HYCC1: variants seen among roughly 807,000 people sequenced by gnomAD.
The protein encoded by HYCC1 is hyccin.
chr7:22,960,242 T>TA, the HYCC1 span: 4 of 1,611,432 alleles, frequency 2.5e-6, no homozygotes, highest in South Asian at 2.2e-5. Flanking sequence ...CTTGAAGAGT[T>TA]ACGTATTTCT....
the HYCC1 span, among the ~76,000 whole-genome samples, chr7:23,012,365 C>A: frequency 2.7e-4 from 41 of 152,270 alleles, no homozygotes; most frequent in Admixed American, 2.3e-3. Flanking sequence ...AAACGCTGAC[C>A]CAGCTAATGC....
the HYCC1 span, among the ~76,000 whole-genome samples, chr7:22,999,579 A>G: frequency 6.6e-6 from 1 of 152,196 alleles, no homozygotes; most frequent in African/African-American, 2.4e-5. Flanking sequence ...GCCCGTTCAT[A>G]TAATTTATCC....
At chr7:22,945,496 A>G in the HYCC1 span, 1 of 922,020 alleles carries the variant, frequency 1.1e-6, no homozygotes, top group Non-Finnish European at 1.8e-6. Flanking sequence ...GGCTCCTGTC[A>G]GGAATACGGA....
chr7:22,907,832 A>G, the HYCC1 span, among the ~76,000 whole-genome samples: 1 of 152,166 alleles, frequency 6.6e-6, no homozygotes, highest in Admixed American at 6.6e-5. Context: ...GAATCGCTTG[A>G]ACCCGGGAGG....
chr7:22,952,114 G>A, the HYCC1 span, among the ~76,000 whole-genome samples: 9 of 151,734 alleles, frequency 5.9e-5, no homozygotes, highest in Admixed American at 5.9e-4. Flanking sequence ...TTAGATGCTG[G>A]GGATACAACA....
chr7:22,896,390 G>T, the HYCC1 span, among the ~76,000 whole-genome samples: 5 of 152,300 alleles, frequency 3.3e-5, no homozygotes, highest in Middle Eastern at 6.8e-3. Context: ...AATTCACTCA[G>T]AATGACCACT....
At chr7:22,916,721 C>A in the HYCC1 span, among the ~76,000 whole-genome samples, 1 of 152,178 alleles carries the variant, frequency 6.6e-6, no homozygotes, top group Admixed American at 6.5e-5. Flanking sequence ...GGCAGTTCTA[C>A]CAGGCCTAAT....
At chr7:22,959,101 T>C in the HYCC1 span, among the ~76,000 whole-genome samples, 1 of 152,206 alleles carries the variant, frequency 6.6e-6, no homozygotes, top group Non-Finnish European at 1.5e-5. Flanking sequence ...TTAGACTATA[T>C]GTTTTAAATG....
chr7:22,929,587 A>G, the HYCC1 span, among the ~76,000 whole-genome samples: 1 of 152,250 alleles, frequency 6.6e-6, no homozygotes, highest in Non-Finnish European at 1.5e-5. Context: ...AAAACACGTG[A>G]AAAAATGCTC....
chr7:22,985,337 A>C, the HYCC1 span, among the ~76,000 whole-genome samples: 1 of 152,306 alleles, frequency 6.6e-6, no homozygotes, highest in East Asian at 1.9e-4. Context: ...GAGGGCAAGA[A>C]CTGTCTTATC....
the HYCC1 span, among the ~76,000 whole-genome samples, chr7:22,899,182 T>C: frequency 1.3e-5 from 2 of 151,986 alleles, no homozygotes; most frequent in Non-Finnish European, 2.9e-5. Flanking sequence ...TTGAGTGAGG[T>C]CTGGGGATAT....
At chr7:22,976,873 TA>T in the HYCC1 span, 29 of 897,890 alleles carry the variant, frequency 3.2e-5, no homozygotes, top group Non-Finnish European at 5.4e-5. Flanking sequence ...ATATATAGAA[TA>T]TATATATACC....
At chr7:22,999,938 A>C in the HYCC1 span, among the ~76,000 whole-genome samples, 143 of 152,274 alleles carry the variant, frequency 9.4e-4, no homozygotes, top group African/African-American at 3.1e-3. Flanking sequence ...ATTATCAGAA[A>C]TACACAAAAT....
chr7:22,962,658 T>C, the HYCC1 span, among the ~76,000 whole-genome samples: 1 of 151,424 alleles, frequency 6.6e-6, no homozygotes, highest in Admixed American at 6.6e-5. Flanking sequence ...GCAGGACTAC[T>C]GAGAAACTCC....
At chr7:23,000,119 G>A in the HYCC1 span, among the ~76,000 whole-genome samples, 1 of 151,564 alleles carries the variant, frequency 6.6e-6, no homozygotes, top group Non-Finnish European at 1.5e-5. Context: ...TTTTTTAAAT[G>A]GCCACACTTA....
the HYCC1 span, among the ~76,000 whole-genome samples, chr7:22,951,442 TTTA>T: frequency 6.6e-6 from 1 of 151,934 alleles, no homozygotes; most frequent in Admixed American, 6.6e-5. Context: ...AAAAATATAA[TTTA>T]TTATTTGTCT....
chr7:22,910,813 A>T, the HYCC1 span, among the ~76,000 whole-genome samples: 1 of 152,014 alleles, frequency 6.6e-6, no homozygotes. Flanking sequence ...GTTAACTTCT[A>T]GTGAGTTACT....
the HYCC1 span, among the ~76,000 whole-genome samples, chr7:22,998,869 T>C: frequency 6.6e-6 from 1 of 152,226 alleles, no homozygotes; most frequent in Non-Finnish European, 1.5e-5. Flanking sequence ...AATATGGTCA[T>C]AATTTACCTA....
the HYCC1 span, among the ~76,000 whole-genome samples, chr7:22,932,493 CTCT>C: frequency 6.6e-6 from 1 of 152,136 alleles, no homozygotes; most frequent in Non-Finnish European, 1.5e-5. Flanking sequence ...GGAAATATCT[CTCT>C]TATGTTTGTC....
Sources: gnomAD v4.1 joint callset for allele counts (sites outside exome capture counted in the v4.1 genomes callset) on GRCh38, gnomAD v4.1.1 for gene constraint, MANE v1.5 for transcripts, NCBI Gene and HGNC (gene_info 2026-07-23, HGNC 2026-07-21) for gene names.